PEX14: variants seen among roughly 807,000 people sequenced by gnomAD.
PEX14 encodes peroxisomal membrane protein PEX14.
A neutral mutation model predicts 49.5 loss-of-function variants in PEX14; 15 were observed. The observed-to-expected ratio is 0.30, with a 90% CI of 0.20 to 0.47. PEX14 has a LOEUF of 0.47. Among genes scored for constraint, PEX14 ranks in the 20% least tolerant of loss-of-function variants. The probability of loss-of-function intolerance (pLI) is 1.00; values close to 1 mark genes in which losing one functional copy is unlikely to be tolerated. For synonymous variants in PEX14, 210 were observed against 212.7 expected (o/e 0.99, Z 0.11); for missense variants, 398 against 494.8 (o/e 0.80, Z 1.86).
chr1:10,591,117 C>G (rs1337132524), intron 3 of PEX14, among the ~76,000 whole-genome samples: 2 of 152,182 alleles, frequency 1.3e-5, no homozygotes, highest in Non-Finnish European at 2.9e-5. Context: ...GCCCTCCCAT[C>G]CCAAAGCAAA....
intron 3 of PEX14, among the ~76,000 whole-genome samples, chr1:10,561,992 C>T (rs978324526): frequency 6.6e-6 from 1 of 152,086 alleles, no homozygotes; most frequent in African/African-American, 2.4e-5. Flanking sequence ...CCTCAGCCTC[C>T]CGAATAGCTA....
Position 10,512,616 on chromosome 1 carries a change from A to G in PEX14, c.84+17295A>G, listed in dbSNP as rs996792624. Among the ~76,000 whole-genome samples, 1 of 152,218 alleles carries G rather than the reference A, an allele frequency of 6.6e-6. No homozygotes were observed. Among genetic ancestry groups the G allele is most frequent in the South Asian group, 2.1e-4 (1 of 4,830 alleles). ...AACTGAACTAATTTTAGAAGTAGCT[A>G]GTTATAATGAAAAAGAACAATATAT... is the stretch of plus-strand genomic sequence containing the variant. On this transcript the variant is annotated intron_variant, in intron 2 of 8. Coordinates refer to ENST00000356607, the MANE Select transcript of PEX14 (RefSeq NM_004565.3). The surrounding 1 kb of genome is among the most constrained non-coding windows in gnomAD (Gnocchi z 4.6).
At chr1:10,595,340 G>A (rs1158106448) in intron 3 of PEX14, among the ~76,000 whole-genome samples, 2 of 152,140 alleles carry the variant, frequency 1.3e-5, no homozygotes, top group African/African-American at 2.4e-5. Flanking sequence ...AAGCTCCCTC[G>A]TCCCTTTCTC....
chr1:10,617,715 A>T (rs1247237282), intron 4 of PEX14, among the ~76,000 whole-genome samples: 2 of 82,164 alleles, frequency 2.4e-5, no homozygotes, highest in African/African-American at 9.5e-5. Flanking sequence ...TGCCACCCCC[A>T]TCCCTTTTGA....
intron 2 of PEX14, among the ~76,000 whole-genome samples, chr1:10,524,839 G>A (rs1385896845): frequency 6.6e-6 from 1 of 152,024 alleles, no homozygotes; most frequent in Admixed American, 6.6e-5. Context: ...GCGCCACTAC[G>A]CCAAGCTATT....
intron 2 of PEX14, among the ~76,000 whole-genome samples, chr1:10,521,096 C>G (rs935797695): frequency 6.7e-6 from 1 of 150,180 alleles, no homozygotes; most frequent in African/African-American, 2.4e-5. Flanking sequence ...TCTTTTTCTT[C>G]CTCTCTTCCT....
At chr1:10,548,746 T>G (rs1639250577) in intron 3 of PEX14, among the ~76,000 whole-genome samples, 1 of 152,234 alleles carries the variant, frequency 6.6e-6, no homozygotes, top group Admixed American at 6.5e-5. Context: ...TAAAGGTAAC[T>G]CACTAATGGT....
chr1:10,578,727 T>C (rs927108610), intron 3 of PEX14, among the ~76,000 whole-genome samples: 4 of 152,022 alleles, frequency 2.6e-5, no homozygotes, highest in Admixed American at 6.5e-5. Flanking sequence ...GATAAGGAAG[T>C]TGTGAAAAAG....
chr1:10,531,912 T>C (rs1638660744), intron 2 of PEX14, among the ~76,000 whole-genome samples: 1 of 152,314 alleles, frequency 6.6e-6, no homozygotes. Context: ...AAGATTACAA[T>C]GTGCAGGTCT....
In PEX14 at chr1:10,504,896, C is replaced by T. The variant is rs1056312148; in HGVS notation, c.84+9575C>T. Among the ~76,000 whole-genome samples, 29 of 151,684 alleles carry T rather than the reference C, an allele frequency of 1.9e-4. 1 individual carries two copies. Among genetic ancestry groups the T allele is most frequent in the African/African-American group, 6.1e-4 (25 of 41,282 alleles). ...CCGCCTCCCAGGGTCAAGCTGTTCT[C>T]CTGCCTCCTCCTCAGTAGCTGAGAT... On this transcript the variant is annotated intron_variant, in intron 2 of 8. Transcript: ENST00000356607.
intron 3 of PEX14, among the ~76,000 whole-genome samples, chr1:10,543,281 C>T (rs1639072295): frequency 6.6e-6 from 1 of 152,142 alleles, no homozygotes; most frequent in Admixed American, 6.5e-5. Context: ...ATTACAGGGG[C>T]CTGCCACCGC....
chr1:10,583,376 C>T lies in PEX14; in HGVS notation c.170-15862C>T, dbSNP rs115476939. On this transcript the variant is annotated intron_variant, in intron 3 of 8. Transcript: ENST00000356607. ...CTGAGACTACAAATATACACCATTG[C>T]ACCCAGCTTTTTTTTTTTTTTTTTT... Among the ~76,000 whole-genome samples the T allele has an allele frequency of 7.9e-3, 1,173 of 147,970 alleles. 14 individuals carry two copies. In the Middle Eastern group the frequency reaches 0.079, roughly 10 times the overall value.
chr1:10,499,389 T>G (rs899008940), intron 2 of PEX14, among the ~76,000 whole-genome samples: 3 of 151,556 alleles, frequency 2.0e-5, no homozygotes, highest in Non-Finnish European at 4.4e-5. Flanking sequence ...GTTCTTTTTG[T>G]TTTTTCTTTC....
chr1:10,615,541 T>C (rs1034105757), intron 4 of PEX14, among the ~76,000 whole-genome samples: 1 of 152,220 alleles, frequency 6.6e-6, no homozygotes. Context: ...AAGCAGGCAT[T>C]GCGCAGCGGC....
chr1:10,520,692 C>T (rs1200787418), intron 2 of PEX14, among the ~76,000 whole-genome samples: 1 of 152,206 alleles, frequency 6.6e-6, no homozygotes, highest in East Asian at 1.9e-4. Flanking sequence ...GTTATCAAAT[C>T]ACTCGTGAAT....
At chr1:10,536,710 G>C (rs957226206) in intron 3 of PEX14, 1 of 231,624 alleles carries the variant, frequency 4.3e-6, no homozygotes, top group African/African-American at 2.2e-5. Context: ...CGAGGGAAAC[G>C]AGATGACTAA....
intron 2 of PEX14, among the ~76,000 whole-genome samples, chr1:10,526,453 A>T (rs1308380047): frequency 6.6e-6 from 1 of 152,006 alleles, no homozygotes; most frequent in Non-Finnish European, 1.5e-5. Flanking sequence ...TCCTGATCTC[A>T]GGTCATCTGC....
intron 1 of PEX14, among the ~76,000 whole-genome samples, chr1:10,476,786 C>T (rs773404094): frequency 1.3e-5 from 2 of 152,012 alleles, no homozygotes; most frequent in African/African-American, 2.4e-5. Flanking sequence ...CCACCGTGCC[C>T]GGCTCTGTTC....
chr1:10,502,278 C>T (rs994042367), intron 2 of PEX14, among the ~76,000 whole-genome samples: 1 of 152,096 alleles, frequency 6.6e-6, no homozygotes, highest in African/African-American at 2.4e-5. Flanking sequence ...ATTCCCACCT[C>T]CTCTGCCAGA....
Sources: allele counts gnomAD v4.1 joint callset (sites outside exome capture counted in the v4.1 genomes callset), GRCh38; gene constraint gnomAD v4.1.1; non-coding constraint Gnocchi (gnomAD v3.1); transcripts MANE v1.5; gene names NCBI Gene and HGNC (gene_info 2026-07-23, HGNC 2026-07-21).